ARNT2: variants seen among roughly 807,000 people sequenced by gnomAD.
ARNT2 encodes ARNT protein 2.
In ARNT2, 36 loss-of-function variants were observed where a neutral mutation model predicts 91.7. The ratio of observed to expected loss-of-function variants is 0.39; its 90% CI spans 0.30 to 0.52. The LOEUF is 0.52. ARNT2 is among the 20% of genes least tolerant of loss of function. The pLI is 0.72. For synonymous variants in ARNT2, 365 were observed against 347.1 expected (o/e 1.05, Z -0.57); for missense variants, 775 against 939.3 (o/e 0.83, Z 2.29).
In ARNT2 at chr15:80,470,416, C is replaced by T. The variant is rs372962305; in HGVS notation, c.393C>T (p.Ser131=). The T allele has an allele frequency of 7.1e-5, 114 of 1,614,168 alleles. No homozygotes were observed. The East Asian group carries it at 1.7e-3, about 24-fold the overall frequency. ...CCACCGATGGCGCGTACAAGCCTTC[C>T]TTCCTCACAGAGCAGGTACCCTGGT... The part of the protein sequence containing the change: ...NKSTDGAYKP[S]FLTEQELKHL... The change falls in exon 4 of 19, where the codon TCC becomes TCT. Residue 131 remains serine (S), a synonymous_variant. Coordinates refer to ENST00000303329, the MANE Select transcript of ARNT2 (RefSeq NM_014862.4).
At chr15:80,557,659 C>T (rs1567000554) in intron 11 of ARNT2, among the ~76,000 whole-genome samples, 2 of 152,112 alleles carry the variant, frequency 1.3e-5, no homozygotes, top group South Asian at 4.1e-4. Context: ...AGCCCCCAGT[C>T]CTCCTCTCAT....
At chr15:80,509,377 G>A (rs1313060737) in intron 6 of ARNT2, among the ~76,000 whole-genome samples, 1 of 152,162 alleles carries the variant, frequency 6.6e-6, no homozygotes, top group Non-Finnish European at 1.5e-5. Context: ...AGGAGGCGGA[G>A]GTTGCAGAGA....
intron 8 of ARNT2, among the ~76,000 whole-genome samples, chr15:80,539,713 A>G (rs1161701546): frequency 6.6e-6 from 1 of 152,142 alleles, no homozygotes; most frequent in Non-Finnish European, 1.5e-5. Flanking sequence ...TGGAAAATCT[A>G]TTCAAAGATT....
chr15:80,476,928 G>A (rs1290926578), intron 5 of ARNT2, among the ~76,000 whole-genome samples: 1 of 152,186 alleles, frequency 6.6e-6, no homozygotes, highest in Non-Finnish European at 1.5e-5. Flanking sequence ...GGAGGTGATT[G>A]GATCATGGGG....
chr15:80,533,474 G>T (rs781735969), intron 8 of ARNT2, among the ~76,000 whole-genome samples: 4 of 152,160 alleles, frequency 2.6e-5, no homozygotes, highest in African/African-American at 9.7e-5. Context: ...GTAATGGAAA[G>T]TTGGAGTAAT....
At chr15:80,418,759 C>G (rs1895821212) in intron 1 of ARNT2, among the ~76,000 whole-genome samples, 1 of 152,226 alleles carries the variant, frequency 6.6e-6, no homozygotes, top group Non-Finnish European at 1.5e-5. Context: ...ACCTCCTTAC[C>G]TGGCCCTGCT....
chr15:80,410,436 G>A (rs956249731), intron 1 of ARNT2, among the ~76,000 whole-genome samples: 1 of 152,208 alleles, frequency 6.6e-6, no homozygotes, highest in Non-Finnish European at 1.5e-5. Flanking sequence ...CCAGGCTTCA[G>A]TATTGGACAG....
intron 1 of ARNT2, among the ~76,000 whole-genome samples, chr15:80,421,419 A>AGGAG (rs71153536): frequency 1.8e-4 from 23 of 124,620 alleles, no homozygotes; most frequent in Non-Finnish European, 2.9e-4. Context: ...AAGGAAGGAA[A>AGGAG]GGAGGGAGGG....
chr15:80,410,011 C>T (rs1005827603), intron 1 of ARNT2, among the ~76,000 whole-genome samples: 8 of 152,254 alleles, frequency 5.3e-5, no homozygotes, highest in South Asian at 4.1e-4. Flanking sequence ...TTTTAAAAAG[C>T]GCTGGAAATC....
intron 3 of ARNT2, among the ~76,000 whole-genome samples, chr15:80,462,738 T>G (rs1488650385): frequency 6.6e-6 from 1 of 152,198 alleles, no homozygotes; most frequent in Non-Finnish European, 1.5e-5. Flanking sequence ...TTTGGTGAGA[T>G]TGTAGCACCC....
intron 1 of ARNT2, among the ~76,000 whole-genome samples, chr15:80,433,318 C>T (rs1013207095): frequency 6.2e-5 from 8 of 128,180 alleles, no homozygotes; most frequent in East Asian, 4.6e-4. Flanking sequence ...CCGAGTCTTG[C>T]TCTGTTGCCC....
At chr15:80,476,690 A>C (rs559693979) in intron 5 of ARNT2, among the ~76,000 whole-genome samples, 2 of 152,358 alleles carry the variant, frequency 1.3e-5, no homozygotes, top group South Asian at 4.1e-4. Flanking sequence ...ATGCCATAAC[A>C]AAATACCACA....
intron 17 of ARNT2, among the ~76,000 whole-genome samples, chr15:80,584,071 G>A (rs1898847060): frequency 6.6e-6 from 1 of 152,232 alleles, no homozygotes. Flanking sequence ...TGAAAGCCAG[G>A]CTGTGGTGGA....
chr15:80,515,450 A>C (rs1359033040), intron 8 of ARNT2, among the ~76,000 whole-genome samples: 1 of 152,226 alleles, frequency 6.6e-6, no homozygotes, highest in Admixed American at 6.5e-5. Context: ...GACAAATCTT[A>C]AAAATGTCAT....
intron 8 of ARNT2, among the ~76,000 whole-genome samples, chr15:80,549,864 G>T (rs149013260): frequency 9.3e-4 from 142 of 152,236 alleles, no homozygotes; most frequent in Non-Finnish European, 2.1e-4. Context: ...CTCCGAAAAC[G>T]CACTTCTGAT....
At chr15:80,435,638 C>T (rs1896074976) in intron 1 of ARNT2, among the ~76,000 whole-genome samples, 1 of 152,138 alleles carries the variant, frequency 6.6e-6, no homozygotes, top group African/African-American at 2.4e-5. Flanking sequence ...CAGGAGCAGG[C>T]AGTACTAAGG....
intron 3 of ARNT2, among the ~76,000 whole-genome samples, chr15:80,467,962 A>G (rs2062449990): frequency 1.3e-5 from 2 of 152,086 alleles, no homozygotes; most frequent in South Asian, 2.1e-4. Flanking sequence ...TAAATAACTC[A>G]ACAATCTCTA....
chr15:80,451,812 T>G (rs1425167263), intron 2 of ARNT2, among the ~76,000 whole-genome samples: 2 of 152,184 alleles, frequency 1.3e-5, no homozygotes, highest in Non-Finnish European at 2.9e-5. Flanking sequence ...TGATGGACAT[T>G]TTCAGACTCA....
At chr15:80,484,114 A>C (rs1013480101) in intron 5 of ARNT2, among the ~76,000 whole-genome samples, 2 of 152,138 alleles carry the variant, frequency 1.3e-5, no homozygotes, top group Non-Finnish European at 2.9e-5. Flanking sequence ...GACTAATGCC[A>C]GAATCTTAAT....
Sources: allele counts gnomAD v4.1 joint callset (sites outside exome capture counted in the v4.1 genomes callset), GRCh38; gene constraint gnomAD v4.1.1; transcripts MANE v1.5; gene names NCBI Gene and HGNC (gene_info 2026-07-23, HGNC 2026-07-21).